TPO: variants seen among roughly 807,000 people sequenced by gnomAD.
TPO encodes thyroid peroxidase.
Under a neutral mutation model 96.9 loss-of-function variants are expected in TPO, and 78 were observed. The ratio of observed to expected loss-of-function variants is 0.81; its 90% CI spans 0.67 to 0.97. The LOEUF is 0.97. TPO is among the 50% of genes least tolerant of loss of function. The pLI is 0.00. For missense variants in TPO, 1,252 were observed against 1,274.8 expected (o/e 0.98, Z 0.27); for synonymous variants, 547 against 538.0 (o/e 1.02, Z -0.23).
rs183473960 is a variant in TPO, at chr2:1,540,650, C to A, written c.2675C>A (p.Pro892His). 7.4e-6 allele frequency: 12 copies of A among 1,613,560 alleles called. No individual in the cohort carries two copies. The Admixed American group carries it at 1.5e-4, about 20-fold the overall frequency. Residue 892 changes from proline to histidine, a missense_variant, in exon 16 of 17, where the codon CCC (proline) becomes CAC (histidine). Physicochemically the swap from Pro to His is moderately conservative, Grantham distance 77. Coordinates refer to ENST00000329066, the MANE Select transcript of TPO (RefSeq NM_001206744.2). ...LPISETGGGT[P>H]ELRCGKHQAV... is the part of the protein sequence containing the mutation. The stretch of plus-strand genomic sequence containing the variant: ...ATCTCGGAGACAGGCGGAGGAACTC[C>A]CGAGCTGAGATGCGGAAAGCACCAG...
At chr2:1,472,597 G>A (rs1407994901) in intron 7 of TPO, among the ~76,000 whole-genome samples, 4 of 151,942 alleles carry the variant, frequency 2.6e-5, no homozygotes, top group African/African-American at 9.7e-5. Context: ...TCCACACTCC[G>A]GGTCACAGCC....
At chr2:1,376,014 T>A (rs893090613) in intron 1 of TPO, among the ~76,000 whole-genome samples, 1 of 152,236 alleles carries the variant, frequency 6.6e-6, no homozygotes, top group African/African-American at 2.4e-5. Context: ...GCAGCCCAGC[T>A]GCTGCAGGCT....
chr2:1,402,374 C>T (rs1325655724), intron 1 of TPO, among the ~76,000 whole-genome samples: 1 of 152,108 alleles, frequency 6.6e-6, no homozygotes, highest in East Asian at 1.9e-4. Flanking sequence ...ATCTCCAGAC[C>T]CCGAAGGACC....
intron 10 of TPO, among the ~76,000 whole-genome samples, chr2:1,489,146 G>A (rs1671460056): frequency 7.0e-6 from 1 of 142,080 alleles, no homozygotes; most frequent in African/African-American, 2.7e-5. Flanking sequence ...ACCAGCACAT[G>A]CCCAGCACAT....
intron 14 of TPO, among the ~76,000 whole-genome samples, chr2:1,507,142 A>G (rs1306150268): frequency 6.6e-6 from 1 of 152,224 alleles, no homozygotes; most frequent in Non-Finnish European, 1.5e-5. Flanking sequence ...TAAATAGGGA[A>G]TCATTTCCCC....
intron 14 of TPO, among the ~76,000 whole-genome samples, chr2:1,510,531 A>G (rs1197482313): frequency 6.6e-6 from 1 of 152,198 alleles, no homozygotes; most frequent in African/African-American, 2.4e-5. Context: ...AAGGAGTCCC[A>G]GTGGAGGTCA....
intron 10 of TPO, 53 bp from the exon 11 acceptor site, chr2:1,493,748 CT>C: frequency 1.9e-6 from 3 of 1,603,606 alleles, no homozygotes; most frequent in Non-Finnish European, 2.6e-6. Context: ...GTGAGATGGG[CT>C]GAACAAAAGT....
chr2:1,391,824 G>T (rs374870996), intron 1 of TPO, among the ~76,000 whole-genome samples: 1 of 152,092 alleles, frequency 6.6e-6, no homozygotes, highest in Non-Finnish European at 1.5e-5. Context: ...TTTGTCTGTT[G>T]TTGGTGTACA....
At chr2:1,399,925 C>T (rs1484551176) in intron 1 of TPO, among the ~76,000 whole-genome samples, 1 of 152,190 alleles carries the variant, frequency 6.6e-6, no homozygotes, top group Non-Finnish European at 1.5e-5. Flanking sequence ...GAGTGTCCTG[C>T]ATTTTACTGG....
intron 10 of TPO, among the ~76,000 whole-genome samples, chr2:1,493,232 G>C (rs968277514): frequency 1.4e-5 from 2 of 139,584 alleles, no homozygotes; most frequent in Non-Finnish European, 3.1e-5. Context: ...GCTGGCTTCT[G>C]TGTGTGCTCC....
In TPO at chr2:1,456,180, C is replaced by T. The variant is rs555052864; in HGVS notation, c.717C>T (p.His239=). The change falls in exon 7 of 17, where the codon CAC becomes CAT. Residue 239 remains histidine, a synonymous_variant. Coordinates refer to ENST00000329066, the MANE Select transcript of TPO (RefSeq NM_001206744.2). ...TGGCATGGGGACAATACATCGACCACGACATCGCGTTCACACCACAGAGCA... is the reference window on the plus strand; with the variant it reads ...TGGCATGGGGACAATACATCGACCATGACATCGCGTTCACACCACAGAGCA... ...LLMAWGQYID[H]DIAFTPQSTS... The T allele has an allele frequency of 2.0e-5, 32 of 1,613,976 alleles. No individual in the cohort carries two copies. Among genetic ancestry groups the T allele is most frequent in the Middle Eastern group, 3.3e-4 (2 of 6,084 alleles).
intron 5 of TPO, among the ~76,000 whole-genome samples, chr2:1,443,215 C>T (rs868198975): frequency 2.6e-5 from 4 of 152,212 alleles, no homozygotes; most frequent in Non-Finnish European, 4.4e-5. Flanking sequence ...CAGGAGGTAC[C>T]GTGTTTGAAG....
chr2:1,433,986 C>T (rs1050541322), intron 4 of TPO, among the ~76,000 whole-genome samples: 1 of 152,162 alleles, frequency 6.6e-6, no homozygotes, highest in Non-Finnish European at 1.5e-5. Context: ...TGTGAGGCAG[C>T]GCATTGCAGG....
chr2:1,467,109 T>G (rs1488392633), intron 7 of TPO, among the ~76,000 whole-genome samples: 1 of 143,316 alleles, frequency 7.0e-6, no homozygotes, highest in Non-Finnish European at 1.6e-5. Context: ...TTCAAAGAAT[T>G]TTTTTTTTTT....
Position 1,543,613 on chromosome 2 carries a change from ACT to A in TPO, c.*1142_*1143del, listed in dbSNP as rs1037874830. The A allele has an allele frequency of 5.3e-5, 8 of 152,164 alleles. No homozygotes were observed. Among genetic ancestry groups the A allele is most frequent in the Admixed American group, 4.6e-4 (7 of 15,292 alleles). The allele number at this position is 152,164 out of a possible 1,614,324, so 9.4% of individuals were successfully genotyped here. A position where few individuals can be genotyped will look rare whatever the true frequency, so the allele number is the denominator to read the frequency against. ...GCCATCCTGTTCTGTGTGTTCCCAA[ACT>A]CTTAGTTTTGTTCATGTAAAACTCA... On this transcript the variant is annotated 3_prime_UTR_variant, in exon 17 of 17. Transcript: ENST00000329066.
At chr2:1,393,850 ACTT>A (rs1311960345) in intron 1 of TPO, among the ~76,000 whole-genome samples, 2 of 152,238 alleles carry the variant, frequency 1.3e-5, no homozygotes, top group African/African-American at 2.4e-5. Context: ...TAAATATTTC[ACTT>A]CTTCTTTACG....
At chr2:1,428,302 G>T (rs1333200949) in intron 3 of TPO, among the ~76,000 whole-genome samples, 2 of 152,234 alleles carry the variant, frequency 1.3e-5, no homozygotes, top group Non-Finnish European at 2.9e-5. Context: ...GCAGACTGTG[G>T]CTTGTGGGGT....
intron 3 of TPO, among the ~76,000 whole-genome samples, chr2:1,425,869 C>A (rs370084833): frequency 6.6e-4 from 99 of 150,566 alleles, no homozygotes; most frequent in African/African-American, 2.2e-3. Context: ...TCGATCATTT[C>A]ATATCCTCAG....
At chr2:1,478,361 C>G (rs926952948) in intron 8 of TPO, 1 of 985,280 alleles carries the variant, frequency 1.0e-6, no homozygotes, top group South Asian at 4.7e-5. Context: ...GGCCCTGTGG[C>G]GGCCTGGGCA....
Sources: gnomAD v4.1 joint callset for allele counts (sites outside exome capture counted in the v4.1 genomes callset) on GRCh38, gnomAD v4.1.1 for gene constraint, MANE v1.5 for transcripts, NCBI Gene and HGNC (gene_info 2026-07-23, HGNC 2026-07-21) for gene names.